FNIP1: variants seen among roughly 807,000 people sequenced by gnomAD.
FNIP1 encodes folliculin interacting protein 1.
Under a neutral mutation model 124.5 loss-of-function variants are expected in FNIP1, and 40 were observed. That is an observed-to-expected ratio of 0.32 (90% CI 0.25 to 0.42). The LOEUF (loss-of-function observed/expected upper bound fraction) is 0.42, where lower values mean the gene tolerates loss of function less well. FNIP1 is among the 10% of genes least tolerant of loss of function. The pLI, the probability that FNIP1 is intolerant of heterozygous loss-of-function variation, is 1.00. For synonymous variants in FNIP1, 472 were observed against 470.6 expected (o/e 1.00, Z -0.04); for missense variants, 1,176 against 1,403.7 (o/e 0.84, Z 2.59).
At chr5:131,709,324 G>T in intron 7 of FNIP1, 52 bp from the exon 8 acceptor site, 1 of 1,437,032 alleles carries the variant, frequency 7.0e-7, no homozygotes, top group Non-Finnish European at 9.8e-7. Context: ...TATTCAGGTG[G>T]ATGAACAGCT....
In FNIP1 at chr5:131,677,341, T is replaced by C. The variant is rs182247207; in HGVS notation, c.1519+362A>G. On this transcript the variant is annotated intron_variant, in intron 13 of 17. Coordinates refer to ENST00000510461, the MANE Select transcript of FNIP1 (RefSeq NM_133372.3). ...GTGGATCAACAGAAACCTCAGTGAA[T>C]TGCTTCACTCCTAACCAGATTGATT... Among the ~76,000 whole-genome samples the C allele has an allele frequency of 4.8e-3, 737 of 152,344 alleles. 5 individuals are homozygous for C. The highest frequency in any genetic ancestry group is 0.017 in the African/African-American group (694 of 41,572).
intron 1 of FNIP1, among the ~76,000 whole-genome samples, chr5:131,770,711 G>T (rs1307326023): frequency 6.6e-6 from 1 of 152,100 alleles, no homozygotes; most frequent in African/African-American, 2.4e-5. Flanking sequence ...TGTCTATAAA[G>T]TAAGACTACC....
At chr5:131,792,014 G>C (rs1452637836) in intron 1 of FNIP1, among the ~76,000 whole-genome samples, 1 of 152,078 alleles carries the variant, frequency 6.6e-6, no homozygotes, top group Non-Finnish European at 1.5e-5. Context: ...AACTACTTCT[G>C]GTTCCTGAAA....
intron 11 of FNIP1, among the ~76,000 whole-genome samples, chr5:131,689,167 A>G (rs1214838891): frequency 6.7e-6 from 1 of 150,160 alleles, no homozygotes; most frequent in Non-Finnish European, 1.5e-5. Context: ...AAAAAAAGAG[A>G]CTGGAGAAAA....
chr5:131,663,269 A>C (rs998630373), intron 15 of FNIP1, among the ~76,000 whole-genome samples: 1 of 152,218 alleles, frequency 6.6e-6, no homozygotes, highest in African/African-American at 2.4e-5. Context: ...ACTTAATTAA[A>C]TAGCTGATAT....
At chr5:131,668,033 T>A (rs1296610360) in intron 15 of FNIP1, among the ~76,000 whole-genome samples, 2 of 152,190 alleles carry the variant, frequency 1.3e-5, no homozygotes. Flanking sequence ...TCATTCTCAA[T>A]AATTGATGGC....
At chr5:131,674,628 G>A (rs1241840273) in intron 13 of FNIP1, among the ~76,000 whole-genome samples, 2 of 152,070 alleles carry the variant, frequency 1.3e-5, no homozygotes, top group Admixed American at 1.3e-4. Flanking sequence ...TGAGGCGGAA[G>A]AATCACCTGA....
intron 1 of FNIP1, among the ~76,000 whole-genome samples, chr5:131,784,186 A>G (rs903252541): frequency 1.3e-5 from 2 of 152,134 alleles, no homozygotes; most frequent in African/African-American, 4.8e-5. Flanking sequence ...TGAACTGATC[A>G]ATTATCTGTC....
chr5:131,766,764 C>A lies in FNIP1; in HGVS notation c.93-22074G>T, dbSNP rs189466735. Reference sequence around the variant, plus strand: ...GCCAAAGGCCTAAGAACCTGGTGAGCCACTGGTATAGGTCTTTGAGTTCAA... The same window carrying A: ...GCCAAAGGCCTAAGAACCTGGTGAGACACTGGTATAGGTCTTTGAGTTCAA... On this transcript the variant is annotated intron_variant, in intron 1 of 17. Transcript: ENST00000510461. Among the ~76,000 whole-genome samples the A allele has an allele frequency of 1.4e-4, 22 of 152,286 alleles. No homozygotes were observed. In the East Asian group the frequency reaches 4.3e-3, roughly 29 times the overall value.
chr5:131,718,147 G>A (rs1206566419), intron 5 of FNIP1, among the ~76,000 whole-genome samples: 1 of 149,154 alleles, frequency 6.7e-6, no homozygotes, highest in Non-Finnish European at 1.5e-5. Flanking sequence ...CTGAGATCAC[G>A]CCACTGCACT....
At chr5:131,710,177 CAAG>C (rs1769240934) in intron 7 of FNIP1, among the ~76,000 whole-genome samples, 1 of 133,496 alleles carries the variant, frequency 7.5e-6, no homozygotes, top group African/African-American at 2.8e-5. Flanking sequence ...ACAATAATAA[CAAG>C]ATAGGATAAT....
At chr5:131,719,642 C>A (rs1400700806) in intron 3 of FNIP1, among the ~76,000 whole-genome samples, 6 of 152,142 alleles carry the variant, frequency 3.9e-5, no homozygotes, top group Admixed American at 3.9e-4. Flanking sequence ...AAGAGCTGTA[C>A]AATATTTTAT....
intron 1 of FNIP1, among the ~76,000 whole-genome samples, chr5:131,774,872 A>G (rs1000737710): frequency 1.3e-5 from 2 of 152,228 alleles, no homozygotes; most frequent in East Asian, 1.9e-4. Flanking sequence ...AAAGTCAGAC[A>G]TATGATACCC....
At chr5:131,784,119 T>C (rs1192674985) in intron 1 of FNIP1, among the ~76,000 whole-genome samples, 1 of 152,058 alleles carries the variant, frequency 6.6e-6, no homozygotes, top group African/African-American at 2.4e-5. Context: ...CAGTCCAGAC[T>C]GGAGCCAGAG....
chr5:131,679,005 T>G (rs1239981790), intron 12 of FNIP1, 24 bp downstream of exon 12: 4 of 1,512,402 alleles, frequency 2.6e-6, no homozygotes, highest in African/African-American at 1.4e-5. Context: ...TCTAGATATC[T>G]AGTTATAATA....
intron 10 of FNIP1, among the ~76,000 whole-genome samples, chr5:131,703,264 C>T (rs1561663913): frequency 6.6e-6 from 1 of 152,140 alleles, no homozygotes; most frequent in Non-Finnish European, 1.5e-5. Context: ...AAGTGGTTTG[C>T]GTATTCATCA....
At chr5:131,707,798 CA>C (rs1444399459) in intron 8 of FNIP1, among the ~76,000 whole-genome samples, 5 of 152,180 alleles carry the variant, frequency 3.3e-5, no homozygotes, top group Admixed American at 2.6e-4. Flanking sequence ...ACTTAAATGG[CA>C]TATATGAATC....
At chr5:131,690,553 G>C (rs1768444716) in intron 11 of FNIP1, among the ~76,000 whole-genome samples, 1 of 152,092 alleles carries the variant, frequency 6.6e-6, no homozygotes, top group South Asian at 2.1e-4. Flanking sequence ...CTGCTGCCTT[G>C]TGAAGAAGGT....
At chr5:131,794,027 AC>A (rs775795071) in intron 1 of FNIP1, among the ~76,000 whole-genome samples, 12 of 152,180 alleles carry the variant, frequency 7.9e-5, no homozygotes, top group Non-Finnish European at 1.6e-4. Context: ...GAATAAAAAA[AC>A]GATTAAGACA....
Sources: gnomAD v4.1 joint callset for allele counts (sites outside exome capture counted in the v4.1 genomes callset) on GRCh38, gnomAD v4.1.1 for gene constraint, MANE v1.5 for transcripts, NCBI Gene and HGNC (gene_info 2026-07-23, HGNC 2026-07-21) for gene names.